Variants in VWF observed in about 807,000 individuals in gnomAD.
VWF encodes the protein von Willebrand factor.
In VWF, 176 loss-of-function variants were observed where a neutral mutation model predicts 308.6. The observed-to-expected ratio is 0.57, with a 90% CI of 0.50 to 0.65. VWF has a LOEUF of 0.65. VWF is among the 30% of genes least tolerant of loss of function. The probability of loss-of-function intolerance (pLI) is 0.00; values close to 1 mark genes in which losing one functional copy is unlikely to be tolerated. For synonymous variants in VWF, 1,385 were observed against 1,443.4 expected, an observed-to-expected ratio of 0.96 and a Z score of 0.92; for missense variants, 3,146 against 3,648.2, an observed-to-expected ratio of 0.86 and a Z score of 3.55.
At chr12:5,960,160 CA>C (rs1943297166) in intron 47 of VWF, among the ~76,000 whole-genome samples, 1 of 150,412 alleles carries the variant, frequency 6.6e-6, no homozygotes, top group Non-Finnish European at 1.5e-5. Context: ...AACAAATTAT[CA>C]ATATTAGAAA....
rs2081232198 is a variant in VWF, at chr12:6,019,871, A to G, written c.3675-128T>C. The G allele has an allele frequency of 9.2e-7, 1 of 1,082,406 alleles. No individual in the cohort carries two copies. Among genetic ancestry groups the G allele is most frequent in the Non-Finnish European group, 1.4e-6 (1 of 735,420 alleles). 67.1% of individuals were successfully genotyped at this position (1,082,406 alleles called of 1,614,324 possible). ...CTGTTCCACCTGAACTTGAGATCCC[A>G]TGGACCATTCCACATCCAAGTGAGA... is the stretch of plus-strand genomic sequence containing the variant. On this transcript the variant is annotated intron_variant, in intron 27 of 51. Transcript: ENST00000261405. The surrounding 1 kb of genome is among the most constrained non-coding windows in gnomAD (Gnocchi z 5.8).
intron 6 of VWF, among the ~76,000 whole-genome samples, chr12:6,092,614 T>TGAGAGTGAGAGTGAGAGTGAGAGAGAGA (rs1945053302): frequency 2.8e-4 from 24 of 86,082 alleles, no homozygotes; most frequent in African/African-American, 4.1e-4. Context: ...AGTGAGTGAG[T>TGAGAGTGAGAGTGAGAGTGAGAGAGAGA]GAGAGTGTGT....
chr12:6,116,673 G>A (rs1040796443), intron 3 of VWF, among the ~76,000 whole-genome samples: 3 of 152,158 alleles, frequency 2.0e-5, no homozygotes, highest in Admixed American at 1.3e-4. Flanking sequence ...TCTCTCTCTG[G>A]CCTCTGTGCT....
At chr12:6,100,113 A>G (rs1265454782) in intron 5 of VWF, among the ~76,000 whole-genome samples, 2 of 152,132 alleles carry the variant, frequency 1.3e-5, no homozygotes, top group Non-Finnish European at 2.9e-5. Flanking sequence ...AAAAGAAGAC[A>G]TTTATGCAGC....
chr12:6,056,577 C>T (rs1003529574), intron 15 of VWF, among the ~76,000 whole-genome samples: 7 of 152,122 alleles, frequency 4.6e-5, no homozygotes, highest in Non-Finnish European at 8.8e-5. Flanking sequence ...CACGGGAAAC[C>T]CAAGCTTTGC....
intron 44 of VWF, 80 bp downstream of exon 44, chr12:5,971,519 T>C: frequency 8.9e-7 from 1 of 1,122,630 alleles, no homozygotes; most frequent in Non-Finnish European, 1.4e-6. Context: ...GGGCAGGGAA[T>C]GAGATGAAAC....
At chr12:5,988,598 C>T (rs772868937) in intron 38 of VWF, among the ~76,000 whole-genome samples, 7 of 152,192 alleles carry the variant, frequency 4.6e-5, no homozygotes, top group Admixed American at 3.3e-4. Context: ...CAACCTCCTC[C>T]GCTGGGGATT....
intron 10 of VWF, among the ~76,000 whole-genome samples, chr12:6,068,786 G>A (rs1944748113): frequency 6.7e-6 from 1 of 150,136 alleles, no homozygotes; most frequent in Admixed American, 6.6e-5. Flanking sequence ...GCCGCGCCTG[G>A]CCCAAGATGC....
At chr12:5,959,295 T>A (rs1328891041) in intron 47 of VWF, among the ~76,000 whole-genome samples, 1 of 152,176 alleles carries the variant, frequency 6.6e-6, no homozygotes, top group Non-Finnish European at 1.5e-5. Context: ...TTAAGAGGGA[T>A]GCATCTACAG....
At chr12:5,985,323 G>A (rs543206014) in intron 39 of VWF, among the ~76,000 whole-genome samples, 55 of 152,334 alleles carry the variant, frequency 3.6e-4, no homozygotes, top group Non-Finnish European at 7.8e-4. Flanking sequence ...GGACTCTTAA[G>A]TCTGACCGTT....
chr12:6,032,044 G>A (rs1944269197), intron 20 of VWF, among the ~76,000 whole-genome samples: 1 of 152,186 alleles, frequency 6.6e-6, no homozygotes, highest in Non-Finnish European at 1.5e-5. Flanking sequence ...AAGATGGTTT[G>A]ACACAGCTCC....
intron 16 of VWF, among the ~76,000 whole-genome samples, chr12:6,047,599 A>G (rs570273186): frequency 6.6e-6 from 1 of 152,344 alleles, no homozygotes; most frequent in Non-Finnish European, 1.5e-5. Flanking sequence ...ACAAGACACT[A>G]TGACCTCTTG....
rs117856975 is a variant in VWF, at chr12:6,058,910, A to G, written c.1534-866T>C. Among the ~76,000 whole-genome samples the G allele has an allele frequency of 0.017, 2,531 of 152,226 alleles. 20 individuals are homozygous for G. Among genetic ancestry groups the G allele is most frequent in the Non-Finnish European group, 0.025 (1,702 of 67,998 alleles). ...GCTGGTTTCTACGGAGAGGACCCCG[A>G]TTTGAAGGTGGAGCGGGGGCTGGGA... On this transcript the variant is annotated intron_variant, in intron 13 of 51. Transcript: ENST00000261405. This position sits in a 1 kb window ranked among gnomAD's most constrained non-coding sequence, Gnocchi z 4.9.
At position 6,108,334 on chromosome 12, in the gene VWF, T is replaced by TATATACACAC. The variant is rs374693235; in HGVS notation, c.532+2039_532+2040insGTGTGTATAT. On this transcript the variant is annotated intron_variant, in intron 5 of 51. Transcript: ENST00000261405. Reference sequence around the variant, plus strand: ...AGAAAGAAAGAAAGAAAGAAATATATACACACACACACACACACACACACA... The same window carrying TATATACACAC: ...AGAAAGAAAGAAAGAAAGAAATATATATATACACACACACACACACACACACACACACACA... Among the ~76,000 whole-genome samples, 1,018 of 124,178 alleles carry TATATACACAC rather than the reference T, an allele frequency of 8.2e-3. 4 individuals are homozygous for TATATACACAC. The highest frequency in any genetic ancestry group is 0.013 in the Non-Finnish European group (757 of 59,488). The allele number at this position is 124,178 out of a possible 152,430, so 81.5% of individuals were successfully genotyped here.
At chr12:5,994,256 A>C (rs986416014) in intron 36 of VWF, 53 bp from the exon 37 acceptor site, 1 of 1,607,606 alleles carries the variant, frequency 6.2e-7, no homozygotes, top group Non-Finnish European at 8.5e-7. Flanking sequence ...CTGGGTACAA[A>C]AACATTGATG....
At chr12:6,034,665 C>T (rs750047104) in intron 20 of VWF, 23 bp downstream of exon 20, 1 of 1,613,842 alleles carries the variant, frequency 6.2e-7, no homozygotes, top group Non-Finnish European at 8.5e-7. Flanking sequence ...ACAGCACCCT[C>T]TCCCCATCTC....
intron 6 of VWF, among the ~76,000 whole-genome samples, chr12:6,089,776 A>C (rs1945010896): frequency 6.6e-6 from 1 of 152,086 alleles, no homozygotes; most frequent in Non-Finnish European, 1.5e-5. Flanking sequence ...CTTTGAAGCC[A>C]TGTTTCAGTA....
At chr12:6,023,919 A>T (rs1421469032) in intron 24 of VWF, 132 bp from the exon 25 acceptor site, 1 of 943,884 alleles carries the variant, frequency 1.1e-6, no homozygotes, top group Non-Finnish European at 1.7e-6. Context: ...AATGTAGCTC[A>T]ATGGTCTCAA....
chr12:6,011,265 C>T (rs542993), intron 34 of VWF, among the ~76,000 whole-genome samples: 90,568 of 152,094 alleles, frequency 0.6, 27,577 homozygotes, highest in African/African-American at 0.72. Context: ...GCGTCTCTCT[C>T]ACTGCTATAC....
Sources: allele counts gnomAD v4.1 joint callset (sites outside exome capture counted in the v4.1 genomes callset), GRCh38; gene constraint gnomAD v4.1.1; non-coding constraint Gnocchi (gnomAD v3.1); transcripts MANE v1.5; gene names NCBI Gene and HGNC (gene_info 2026-07-23, HGNC 2026-07-21).